The following SVEP1 variants were observed in gnomAD, a reference collection of about 807,000 sequenced individuals.
SVEP1 encodes the protein sushi, von Willebrand factor type A, EGF and pentraxin domain-containing protein 1.
In SVEP1, 164 loss-of-function variants were observed where a neutral mutation model predicts 367.3. The ratio of observed to expected loss-of-function variants is 0.45; its 90% CI spans 0.39 to 0.51. The LOEUF (loss-of-function observed/expected upper bound fraction) is 0.51, where lower values mean the gene tolerates loss of function less well. Among genes scored for constraint, SVEP1 ranks in the 20% least tolerant of loss-of-function variants. The pLI is 0.00. For synonymous variants in SVEP1, 1,666 were observed against 1,611.6 expected, an observed-to-expected ratio of 1.03 and a Z score of -0.81; for missense variants, 4,117 against 4,425.3, an observed-to-expected ratio of 0.93 and a Z score of 1.98.
At chr9:110,371,218 T>C (rs973962066) in intron 46 of SVEP1, among the ~76,000 whole-genome samples, 2 of 152,170 alleles carry the variant, frequency 1.3e-5, no homozygotes, top group African/African-American at 2.4e-5. Flanking sequence ...AACTCAATAA[T>C]TGAAAACCAA....
chr9:110,507,984 C>T (rs564103454), intron 5 of SVEP1, among the ~76,000 whole-genome samples: 1 of 152,262 alleles, frequency 6.6e-6, no homozygotes, highest in East Asian at 1.9e-4. Context: ...TTCCATTGCT[C>T]CCCACTGAAA....
rs905749272 is a variant in SVEP1 at position 110,460,757 on chromosome 9, G to GA, written c.3323-1645dup. The stretch of plus-strand genomic sequence containing the variant: ...AACGGAGTGAGACTCCGTCTCAAAA[G>GA]AAAAAAAAAAAAGAAAATTCAAGGA... On this transcript the variant is annotated intron_variant, in intron 18 of 47. Transcript: ENST00000374469. Among the ~76,000 whole-genome samples, 366 of 119,128 alleles carry GA rather than the reference G, an allele frequency of 3.1e-3. 4 individuals carry two copies. Among genetic ancestry groups the GA allele is most frequent in the African/African-American group, 7.3e-3 (236 of 32,274 alleles). 78.2% of individuals were successfully genotyped at this position (119,128 alleles called of 152,430 possible).
At chr9:110,464,890 T>A (rs1255841140) in intron 18 of SVEP1, among the ~76,000 whole-genome samples, 5 of 152,002 alleles carry the variant, frequency 3.3e-5, no homozygotes, top group Admixed American at 3.3e-4. Context: ...TTTTTGGAAT[T>A]TCTGGAAGTA....
intron 36 of SVEP1, among the ~76,000 whole-genome samples, chr9:110,424,787 G>T (rs966102205): frequency 7.9e-5 from 12 of 152,094 alleles, no homozygotes; most frequent in African/African-American, 2.9e-4. Flanking sequence ...CAAGTCTCCC[G>T]CCTCAGCCTC....
chr9:110,403,296 G>GTGTTTTTTTTT, intron 39 of SVEP1, among the ~76,000 whole-genome samples: 1 of 43,460 alleles, frequency 2.3e-5, no homozygotes, highest in South Asian at 1.4e-3. Flanking sequence ...CGCCACCGCC[G>GTGTTTTTTTTT]TTTTTTTTTT....
At chr9:110,417,048 T>A (rs1285022832) in intron 36 of SVEP1, among the ~76,000 whole-genome samples, 1 of 151,998 alleles carries the variant, frequency 6.6e-6, no homozygotes, top group Non-Finnish European at 1.5e-5. Context: ...AATAGCAACA[T>A]TAGAATCATA....
chr9:110,458,818 T>C, intron 19 of SVEP1, 134 bp downstream of exon 19: 1 of 1,130,062 alleles, frequency 8.8e-7, no homozygotes. Flanking sequence ...CAAAAATACC[T>C]CAGAAGGACA....
chr9:110,463,771 A>C (rs1261722225), intron 18 of SVEP1, among the ~76,000 whole-genome samples: 1 of 152,038 alleles, frequency 6.6e-6, no homozygotes, highest in Non-Finnish European at 1.5e-5. Flanking sequence ...AAGGAGTTAA[A>C]AACTAACAAA....
intron 1 of SVEP1, among the ~76,000 whole-genome samples, chr9:110,572,750 C>A (rs1403720938): frequency 7.7e-6 from 1 of 129,904 alleles, no homozygotes; most frequent in Non-Finnish European, 1.6e-5. Flanking sequence ...TCACTGCACT[C>A]CAGCCTGGGT....
intron 43 of SVEP1, among the ~76,000 whole-genome samples, chr9:110,385,607 C>A (rs10980353): frequency 6.6e-6 from 1 of 152,150 alleles, no homozygotes; most frequent in Admixed American, 6.5e-5. Flanking sequence ...GGGACTCTGA[C>A]AGTGTGGAGA....
chr9:110,411,566 CAG>C lies in SVEP1; in HGVS notation c.6143_6144del (p.Ser2048Ter). On this transcript the variant is annotated frameshift_variant, in exon 37 of 48. Transcript: ENST00000374469. LOFTEE classifies it high-confidence loss of function. ...LFGDIAFYYC[S>X]DGYSLADNSQ... ...GAATTGTCTGCTAGGCTGTAACCAT[CAG>C]AGCAGTAGTAGAATGCAATGTCTCC... 6.2e-7 allele frequency: 1 copy of C among 1,613,990 alleles called. No homozygotes were observed. Among genetic ancestry groups the C allele is most frequent in the Non-Finnish European group, 8.5e-7 (1 of 1,179,886 alleles).
At chr9:110,560,046 T>G (rs1830405966) in intron 1 of SVEP1, among the ~76,000 whole-genome samples, 1 of 152,200 alleles carries the variant, frequency 6.6e-6, no homozygotes, top group Non-Finnish European at 1.5e-5. Context: ...TACACTCATG[T>G]ACCACATAAT....
intron 5 of SVEP1, among the ~76,000 whole-genome samples, chr9:110,509,406 G>A (rs1256823618): frequency 6.6e-6 from 1 of 152,250 alleles, no homozygotes; most frequent in Non-Finnish European, 1.5e-5. Context: ...ATACTGGTAA[G>A]TTAGCTGTAG....
chr9:110,471,453 T>A lies in SVEP1; in HGVS notation c.2909A>T (p.Glu970Val). ...DPMYSFQLAS[E>V]ILIADSNSLE... The stretch of plus-strand genomic sequence containing the variant: ...TGAATTGCTGTCGGCTATAAGTATT[T>A]CTGATGCAAGCTGAAAGGAATACAT... The change falls in exon 16 of 48, where the codon GAA becomes GTA. Residue 970 changes from glutamate to valine, a missense_variant. Transcript: ENST00000374469. 1 of 1,613,990 alleles carries A rather than the reference T, an allele frequency of 6.2e-7. No individual in the cohort carries two copies. The highest frequency in any genetic ancestry group is 1.1e-5 in the South Asian group (1 of 91,084).
chr9:110,544,625 CATT>C (rs34858357), intron 3 of SVEP1, among the ~76,000 whole-genome samples: 98,062 of 151,622 alleles, frequency 0.65, 32,586 homozygotes, highest in Non-Finnish European at 0.72. Flanking sequence ...AAATCCCATT[CATT>C]ATTATTTTTT....
intron 43 of SVEP1, among the ~76,000 whole-genome samples, chr9:110,381,690 G>A (rs1021829274): frequency 6.6e-6 from 1 of 152,180 alleles, no homozygotes; most frequent in Non-Finnish European, 1.5e-5. Flanking sequence ...GGAGAGTTCT[G>A]TAGATGTCTA....
chr9:110,510,222 C>T lies in SVEP1; in HGVS notation c.1303+2704G>A, dbSNP rs1461198174. The stretch of plus-strand genomic sequence containing the variant: ...CACAGAGGTAAAGCTTCTCTTAGAC[C>T]TTCCATGAGTTTCTCCTTAGCAATT... On this transcript the variant is annotated intron_variant, in intron 5 of 47. Coordinates refer to ENST00000374469, the MANE Select transcript of SVEP1 (RefSeq NM_153366.4). 4.6e-5 allele frequency among the ~76,000 whole-genome samples: 7 copies of T among 152,204 alleles called. No individual in the cohort carries two copies. In the East Asian group the frequency reaches 1.3e-3, roughly 29 times the overall value.
intron 3 of SVEP1, among the ~76,000 whole-genome samples, chr9:110,514,881 C>T (rs571958527): frequency 2.0e-4 from 31 of 152,252 alleles, no homozygotes; most frequent in African/African-American, 5.8e-4. Context: ...ACTGCAGATA[C>T]GCAAAAAGCA....
intron 1 of SVEP1, among the ~76,000 whole-genome samples, chr9:110,555,368 C>T (rs988793458): frequency 6.6e-6 from 1 of 152,132 alleles, no homozygotes; most frequent in African/African-American, 2.4e-5. Flanking sequence ...AGCAGAGTTA[C>T]TTGAATGAGT....
Sources: allele counts gnomAD v4.1 joint callset (sites outside exome capture counted in the v4.1 genomes callset), GRCh38; gene constraint gnomAD v4.1.1; transcripts MANE v1.5; gene names NCBI Gene and HGNC (gene_info 2026-07-23, HGNC 2026-07-21).